Variants in GPHN observed in about 807,000 individuals in gnomAD.
GPHN encodes gephyrin.
GPHN carries 17 observed loss-of-function variants against 95.5 expected under a neutral mutation model. That is an observed-to-expected ratio of 0.18 (90% CI 0.12 to 0.27). The LOEUF (loss-of-function observed/expected upper bound fraction) is 0.27. Among genes scored for constraint, GPHN ranks in the 10% least tolerant of loss-of-function variants. The pLI is 1.00. For synonymous variants in GPHN, 320 were observed against 322.5 expected (o/e 0.99, Z 0.08); for missense variants, 660 against 978.1 (o/e 0.67, Z 4.34).
chr14:66,885,838 TAA>T (rs33968959), intron 5 of GPHN, among the ~76,000 whole-genome samples: 4 of 137,850 alleles, frequency 2.9e-5, no homozygotes, highest in Admixed American at 1.4e-4. Context: ...TATAACAATT[TAA>T]AAAAAAAAAA....
intron 1 of GPHN, among the ~76,000 whole-genome samples, chr14:66,582,901 G>A: frequency 6.6e-6 from 1 of 152,196 alleles, no homozygotes; most frequent in East Asian, 1.9e-4. Context: ...TATATACCCA[G>A]TAACGGGATG....
intron 1 of GPHN, among the ~76,000 whole-genome samples, chr14:66,671,882 A>T (rs2066323058): frequency 6.6e-6 from 1 of 152,250 alleles, no homozygotes; most frequent in Non-Finnish European, 1.5e-5. Flanking sequence ...TGATTTTATC[A>T]AAGAATCACC....
At chr14:67,494,394 C>T in the GPHN span, among the ~76,000 whole-genome samples, 1 of 152,196 alleles carries the variant, frequency 6.6e-6, no homozygotes, top group Non-Finnish European at 1.5e-5. Context: ...CTCAAGGTCA[C>T]AGTGCTAGTA....
chr14:66,837,213 G>C (rs2061866161), intron 4 of GPHN, among the ~76,000 whole-genome samples: 1 of 151,594 alleles, frequency 6.6e-6, no homozygotes, highest in African/African-American at 2.4e-5. Context: ...AACAATGATA[G>C]ACTGGATTAA....
At chr14:66,696,513 C>G (rs557725646) in intron 2 of GPHN, among the ~76,000 whole-genome samples, 12 of 152,270 alleles carry the variant, frequency 7.9e-5, no homozygotes, top group Admixed American at 5.2e-4. Context: ...CTAGAAATAT[C>G]GAAAGACACT....
the GPHN span, chr14:67,573,435 A>G: frequency 2.7e-6 from 3 of 1,108,092 alleles, no homozygotes; most frequent in East Asian, 2.4e-5. This position sits in a 1 kb window ranked among gnomAD's most constrained non-coding sequence, Gnocchi z 4.8. Flanking sequence ...TCCACATCAC[A>G]CCCTGGACTA....
At chr14:66,959,839 T>C (rs2068778448) in intron 8 of GPHN, among the ~76,000 whole-genome samples, 2 of 152,066 alleles carry the variant, frequency 1.3e-5, no homozygotes, top group African/African-American at 4.8e-5. Context: ...TCTCCTCTCC[T>C]TCTGGGACCA....
the GPHN span, among the ~76,000 whole-genome samples, chr14:67,468,098 C>T: frequency 5.3e-5 from 8 of 152,068 alleles, no homozygotes; most frequent in African/African-American, 1.7e-4. Flanking sequence ...CTCAGCCTCC[C>T]GAGTAGCTGG....
intron 1 of GPHN, among the ~76,000 whole-genome samples, chr14:66,612,312 A>T (rs1416422232): frequency 6.6e-6 from 1 of 151,754 alleles, no homozygotes; most frequent in Non-Finnish European, 1.5e-5. Context: ...TATTGCCCTC[A>T]AACATTCTCC....
intron 10 of GPHN, among the ~76,000 whole-genome samples, chr14:67,025,300 C>T (rs1239851081): frequency 6.6e-6 from 1 of 152,064 alleles, no homozygotes; most frequent in African/African-American, 2.4e-5. Context: ...GTAAGGGGTA[C>T]GTTCATAAGG....
chr14:66,985,670 C>T, intron 9 of GPHN: 3 of 1,516,962 alleles, frequency 2.0e-6, no homozygotes, highest in South Asian at 1.2e-5. Context: ...TACCCATCTT[C>T]CCTCATTGTA....
chr14:67,201,680 A>G, the GPHN span: 3 of 370,336 alleles, frequency 8.1e-6, no homozygotes, highest in Non-Finnish European at 1.6e-5. Flanking sequence ...CTGGGTCATC[A>G]TCCCTGAGCC....
chr14:66,590,478 A>T (rs1163193285), intron 1 of GPHN, among the ~76,000 whole-genome samples: 1 of 152,206 alleles, frequency 6.6e-6, no homozygotes, highest in Admixed American at 6.5e-5. Flanking sequence ...GGATATCACC[A>T]CTGATCCCAC....
At chr14:66,933,819 A>G (rs2066954063) in intron 8 of GPHN, among the ~76,000 whole-genome samples, 1 of 152,094 alleles carries the variant, frequency 6.6e-6, no homozygotes, top group African/African-American at 2.4e-5. Context: ...ACAAATATAA[A>G]CAGGTTGTTC....
chr14:66,932,279 A>T (rs1226496159), intron 8 of GPHN, among the ~76,000 whole-genome samples: 1 of 151,524 alleles, frequency 6.6e-6, no homozygotes, highest in Non-Finnish European at 1.5e-5. Flanking sequence ...TAATGGAAGC[A>T]CTCTTGTGGC....
the GPHN span, chr14:67,677,500 T>A: frequency 6.6e-6 from 1 of 151,296 alleles, no homozygotes; most frequent in Admixed American, 6.6e-5. Flanking sequence ...CCTTAACTAG[T>A]TAATCCTTAA....
the GPHN span, chr14:67,343,273 A>G: frequency 0.014 from 12,295 of 856,260 alleles, 122 homozygotes; most frequent in Non-Finnish European, 0.018. Context: ...CATCTTATTC[A>G]TCTTTCAGTC....
intron 1 of GPHN, among the ~76,000 whole-genome samples, chr14:66,598,478 A>G (rs1246905141): frequency 6.6e-6 from 1 of 152,148 alleles, no homozygotes; most frequent in Non-Finnish European, 1.5e-5. Context: ...CTTACTTCAG[A>G]TGTGTATTCT....
chr14:67,031,721 T>C (rs1410260654), intron 10 of GPHN, among the ~76,000 whole-genome samples: 1 of 152,214 alleles, frequency 6.6e-6, no homozygotes, highest in Non-Finnish European at 1.5e-5. Context: ...CCATCATGCC[T>C]GGCTTTCAAA....
Sources: gnomAD v4.1 joint callset for allele counts (sites outside exome capture counted in the v4.1 genomes callset) on GRCh38, gnomAD v4.1.1 for gene constraint, Gnocchi (gnomAD v3.1) non-coding constraint, MANE v1.5 for transcripts, NCBI Gene and HGNC (gene_info 2026-07-23, HGNC 2026-07-21) for gene names.